ACYP2: variants seen among roughly 807,000 people sequenced by gnomAD.
ACYP2 encodes the protein acylphosphatase 2, also known as acylphosphatase-2.
A neutral mutation model predicts 11.2 loss-of-function variants in ACYP2; 12 were observed. The observed-to-expected ratio is 1.08, with a 90% CI of 0.69 to 1.74. The LOEUF is 1.74. ACYP2 is among the 40% of genes most tolerant of loss of function. The probability of loss-of-function intolerance (pLI) is 0.00; values close to 1 mark genes in which losing one functional copy is unlikely to be tolerated. For synonymous variants in ACYP2, 43 were observed against 32.2 expected (o/e 1.33, Z -1.13); for missense variants, 134 against 101.9 (o/e 1.31, Z -1.35).
At chr2:54,061,491 T>C (rs1334816355) in intron 4 of ACYP2, among the ~76,000 whole-genome samples, 1 of 152,210 alleles carries the variant, frequency 6.6e-6, no homozygotes, top group Non-Finnish European at 1.5e-5. Flanking sequence ...GCTGATGATG[T>C]TGTTTTCTTA....
intron 4 of ACYP2, among the ~76,000 whole-genome samples, chr2:54,106,827 C>A (rs1429281039): frequency 6.6e-6 from 1 of 151,756 alleles, no homozygotes; most frequent in Non-Finnish European, 1.5e-5. Context: ...TCGTGATCCG[C>A]CCCCCCTCGG....
chr2:54,102,985 T>C (rs535889073), intron 4 of ACYP2, among the ~76,000 whole-genome samples: 20 of 152,262 alleles, frequency 1.3e-4, no homozygotes, highest in Non-Finnish European at 2.8e-4. Context: ...CTACCTCTCA[T>C]TGTAGCAGAG....
chr2:54,019,990 T>C (rs1194100967), intron 2 of ACYP2, among the ~76,000 whole-genome samples: 1 of 151,760 alleles, frequency 6.6e-6, no homozygotes, highest in African/African-American at 2.4e-5. Context: ...TTGCCAATGC[T>C]GGAGTACAAT....
At chr2:54,142,237 A>G (rs1681649273) in intron 6 of ACYP2, 1 of 256,256 alleles carries the variant, frequency 3.9e-6, no homozygotes, top group Admixed American at 5.4e-5. Flanking sequence ...CTCCCCACAC[A>G]GTTTTCCTCC....
intron 6 of ACYP2, among the ~76,000 whole-genome samples, chr2:54,211,028 G>A (rs116763486): frequency 6.2e-4 from 94 of 152,164 alleles, no homozygotes; most frequent in African/African-American, 2.2e-3. Context: ...CCTTCTGGCC[G>A]TACAGATTTC....
At chr2:53,972,613 A>G (rs993599737) in intron 1 of ACYP2, among the ~76,000 whole-genome samples, 1 of 152,216 alleles carries the variant, frequency 6.6e-6, no homozygotes, top group African/African-American at 2.4e-5. Flanking sequence ...TCTCAAAAAA[A>G]AAAAAGAGTC....
intron 6 of ACYP2, chr2:54,256,283 C>A: frequency 1.0e-6 from 1 of 983,632 alleles, no homozygotes; most frequent in Non-Finnish European, 1.5e-6. Context: ...GCGACACCCA[C>A]CCCTCAGTCT....
intron 6 of ACYP2, among the ~76,000 whole-genome samples, chr2:54,157,986 A>C (rs59397800): frequency 6.6e-6 from 1 of 152,058 alleles, no homozygotes; most frequent in East Asian, 1.9e-4. Context: ...CAACAGGAAA[A>C]CCAACTAAAA....
intron 6 of ACYP2, among the ~76,000 whole-genome samples, chr2:54,176,794 C>A (rs1266202599): frequency 6.6e-6 from 1 of 152,178 alleles, no homozygotes; most frequent in Non-Finnish European, 1.5e-5. Context: ...ATCCAAGAAT[C>A]TGTTGTTGAG....
intron 2 of ACYP2, among the ~76,000 whole-genome samples, chr2:54,039,319 G>T (rs1573581834): frequency 6.7e-6 from 1 of 149,782 alleles, no homozygotes; most frequent in Middle Eastern, 3.4e-3. Context: ...GGGGGACAGG[G>T]TCCCACTCTG....
At chr2:54,276,189 C>T (rs1300794266) in intron 6 of ACYP2, among the ~76,000 whole-genome samples, 1 of 124,448 alleles carries the variant, frequency 8.0e-6, no homozygotes, top group African/African-American at 2.5e-5. Flanking sequence ...CATGTCTTTA[C>T]AGAAAAAGTA....
chr2:54,212,039 A>T (rs1483729605), intron 6 of ACYP2, among the ~76,000 whole-genome samples: 1 of 152,236 alleles, frequency 6.6e-6, no homozygotes, highest in Non-Finnish European at 1.5e-5. Context: ...TGTTCACTGT[A>T]GATGAATGAA....
intron 6 of ACYP2, among the ~76,000 whole-genome samples, chr2:54,158,195 TTG>T (rs1491455057): frequency 1.7e-5 from 2 of 115,870 alleles, no homozygotes; most frequent in African/African-American, 6.4e-5. Context: ...CCAGTTAACT[TTG>T]TTTTTTTTTT....
At chr2:54,164,346 C>G (rs1682859309) in intron 6 of ACYP2, among the ~76,000 whole-genome samples, 1 of 152,060 alleles carries the variant, frequency 6.6e-6, no homozygotes, top group African/African-American at 2.4e-5. Context: ...TTGACTTAGT[C>G]CCTTGTGCAC....
chr2:54,186,687 T>A (rs547851550), intron 6 of ACYP2, among the ~76,000 whole-genome samples: 15 of 152,068 alleles, frequency 9.9e-5, no homozygotes, highest in Non-Finnish European at 1.9e-4. Context: ...CTAATTTTTG[T>A]ATTTTTAGTA....
At chr2:53,972,328 G>C (rs910504287) in intron 1 of ACYP2, among the ~76,000 whole-genome samples, 16 of 137,742 alleles carry the variant, frequency 1.2e-4, no homozygotes, top group African/African-American at 4.0e-4. Context: ...AAAAGGGCCA[G>C]GCGCGTGGTG....
intron 6 of ACYP2, among the ~76,000 whole-genome samples, chr2:54,220,397 A>C (rs1031769844): frequency 6.6e-6 from 1 of 152,168 alleles, no homozygotes; most frequent in African/African-American, 2.4e-5. Context: ...TCTATTGAAA[A>C]ATACTTAAAT....
chr2:54,261,407 GAAAGAAA>G (rs1339811353), intron 6 of ACYP2, among the ~76,000 whole-genome samples: 8 of 152,100 alleles, frequency 5.3e-5, no homozygotes, highest in African/African-American at 2.4e-5. Context: ...GGAGAAAAAG[GAAAGAAA>G]AATGAAAAAT....
chr2:54,190,530 C>G (rs987851313), intron 6 of ACYP2, among the ~76,000 whole-genome samples: 1 of 152,050 alleles, frequency 6.6e-6, no homozygotes, highest in African/African-American at 2.4e-5. Context: ...TACCTCTCAG[C>G]AACATCTTTT....
Sources: allele counts gnomAD v4.1 joint callset (sites outside exome capture counted in the v4.1 genomes callset), GRCh38; gene constraint gnomAD v4.1.1; transcripts MANE v1.5; gene names NCBI Gene and HGNC (gene_info 2026-07-23, HGNC 2026-07-21).